Variants in TEC observed in about 807,000 individuals in gnomAD.
The protein encoded by TEC is tyrosine-protein kinase Tec.
A neutral mutation model predicts 93.0 loss-of-function variants in TEC; 72 were observed. The observed-to-expected ratio is 0.77, with a 90% CI of 0.64 to 0.94. The LOEUF (loss-of-function observed/expected upper bound fraction) is 0.94. TEC is among the 40% of genes least tolerant of loss of function. The probability of loss-of-function intolerance (pLI) is 0.00; values close to 1 mark genes in which losing one functional copy is unlikely to be tolerated. For synonymous variants in TEC, 249 were observed against 247.7 expected (o/e 1.01, Z -0.05); for missense variants, 630 against 757.9 (o/e 0.83, Z 1.98).
chr4:48,269,195 T>C (rs1724717713), intron 1 of TEC, among the ~76,000 whole-genome samples: 1 of 152,250 alleles, frequency 6.6e-6, no homozygotes, highest in South Asian at 2.1e-4. Flanking sequence ...TGCCAAATTT[T>C]TTTTTTAATA....
intron 1 of TEC, among the ~76,000 whole-genome samples, chr4:48,253,634 C>T (rs1724265954): frequency 6.8e-6 from 1 of 146,882 alleles, no homozygotes; most frequent in African/African-American, 2.5e-5. Context: ...TGCAGTGACA[C>T]AATCTCAGCT....
At chr4:48,208,842 G>A (rs1722801280) in intron 2 of TEC, among the ~76,000 whole-genome samples, 1 of 152,206 alleles carries the variant, frequency 6.6e-6, no homozygotes, top group African/African-American at 2.4e-5. Flanking sequence ...CAAAGTAGGT[G>A]CTTAAAATAT....
At chr4:48,144,227 A>T (rs867420228) in intron 14 of TEC, among the ~76,000 whole-genome samples, 9 of 152,252 alleles carry the variant, frequency 5.9e-5, no homozygotes, top group East Asian at 3.9e-4. Context: ...GGAAAAAAAA[A>T]TTTTTTTAAA....
intron 2 of TEC, among the ~76,000 whole-genome samples, chr4:48,181,313 T>C (rs1577728583): frequency 6.6e-6 from 1 of 151,990 alleles, no homozygotes; most frequent in South Asian, 2.1e-4. Context: ...ATACAGTATA[T>C]ATAGTGGCAG....
chr4:48,172,410 T>C (rs1354381346), intron 3 of TEC, among the ~76,000 whole-genome samples: 1 of 151,720 alleles, frequency 6.6e-6, no homozygotes, highest in Non-Finnish European at 1.5e-5. Context: ...AATTCCTTCT[T>C]ATTCATTTAA....
chr4:48,144,941 A>G, intron 14 of TEC, 138 bp downstream of exon 14: 1 of 732,090 alleles, frequency 1.4e-6, no homozygotes, highest in Non-Finnish European at 2.3e-6. Flanking sequence ...AGGGCAAGTT[A>G]AATTTACCAA....
At chr4:48,164,004 G>A (rs1460791823) in intron 7 of TEC, among the ~76,000 whole-genome samples, 1 of 152,134 alleles carries the variant, frequency 6.6e-6, no homozygotes, top group East Asian at 1.9e-4. Context: ...CTATTTTCTG[G>A]TGGGGAAACT....
intron 1 of TEC, among the ~76,000 whole-genome samples, chr4:48,269,046 T>C (rs556998196): frequency 3.5e-5 from 5 of 143,118 alleles, no homozygotes; most frequent in Non-Finnish European, 6.1e-5. Context: ...AAGAAGTACA[T>C]ACATTGGCCG....
intron 2 of TEC, among the ~76,000 whole-genome samples, chr4:48,216,753 T>C (rs1371422316): frequency 6.6e-6 from 1 of 152,228 alleles, no homozygotes; most frequent in Non-Finnish European, 1.5e-5. Context: ...CTGATATCAC[T>C]AAAAATTGCT....
chr4:48,192,339 G>A (rs990520578), intron 2 of TEC, among the ~76,000 whole-genome samples: 1 of 152,104 alleles, frequency 6.6e-6, no homozygotes. Flanking sequence ...GATTACCTAG[G>A]GATGGTGGGC....
intron 9 of TEC, among the ~76,000 whole-genome samples, 160 bp from the exon 10 acceptor site, chr4:48,151,102 T>C (rs754620898): frequency 3.9e-5 from 6 of 152,196 alleles, no homozygotes; most frequent in Non-Finnish European, 7.3e-5. Context: ...CCCCTTGGTT[T>C]CTCCCACCCA....
At position 48,171,354 on chromosome 4, in the gene TEC, T is replaced by C; in HGVS notation, c.325+14A>G. On this transcript the variant is annotated intron_variant, in intron 4 of 17. Transcript: ENST00000381501. ...CTAAAATTATATACAGAGTAATATT[T>C]CATTGAGTTTTACCTTCTTTTAACT... is the stretch of plus-strand genomic sequence containing the variant. 1 of 1,604,588 alleles carries C rather than the reference T, an allele frequency of 6.2e-7. No individual in the cohort carries two copies. Among genetic ancestry groups the C allele is most frequent in the Non-Finnish European group, 8.5e-7 (1 of 1,174,640 alleles).
At chr4:48,177,407 T>TCC (rs1168992197) in intron 2 of TEC, among the ~76,000 whole-genome samples, 4 of 152,272 alleles carry the variant, frequency 2.6e-5, no homozygotes, top group Non-Finnish European at 5.9e-5. Context: ...ATGCCAGCCA[T>TCC]CCCTTGGCCT....
chr4:48,147,083 A>G (rs777453060), intron 11 of TEC, among the ~76,000 whole-genome samples: 2 of 152,180 alleles, frequency 1.3e-5, no homozygotes, highest in Admixed American at 6.5e-5. Flanking sequence ...GGCACTTGAT[A>G]TATGTTTGTT....
Position 48,164,254 on chromosome 4 carries a change from G to A in TEC, c.672-487C>T, listed in dbSNP as rs1471286783. Among the ~76,000 whole-genome samples the A allele has an allele frequency of 2.6e-5, 4 of 152,200 alleles. No individual in the cohort carries two copies. The East Asian group carries it at 7.7e-4, about 29-fold the overall frequency. On this transcript the variant is annotated intron_variant, in intron 7 of 17. Transcript: ENST00000381501. ...ATACCTCAATAGTTCTTATAGAATA[G>A]TTTCACAAAGGATAATTCCTGGCCT...
chr4:48,237,343 G>A lies in TEC; in HGVS notation c.-45-8684C>T, dbSNP rs1474472375. On this transcript the variant is annotated intron_variant, in intron 1 of 17. Coordinates refer to ENST00000381501, the MANE Select transcript of TEC (RefSeq NM_003215.3). ...TCAAAAAAAAAAAAAGAGAGAGAGAGAAAATAATAATTTTTAAAAAAATAG... is the reference window on the plus strand; with the variant it reads ...TCAAAAAAAAAAAAAGAGAGAGAGAAAAAATAATAATTTTTAAAAAAATAG... 4.0e-5 allele frequency among the ~76,000 whole-genome samples: 6 copies of A among 149,732 alleles called. No individual in the cohort carries two copies. The East Asian group carries it at 1.2e-3, about 29-fold the overall frequency.
intron 2 of TEC, among the ~76,000 whole-genome samples, chr4:48,179,436 T>A (rs1204368603): frequency 7.6e-6 from 1 of 131,564 alleles, no homozygotes; most frequent in East Asian, 2.4e-4. Flanking sequence ...CAGGCTGGAG[T>A]GGAGTGCAGT....
At chr4:48,145,690 C>T (rs1436948244) in intron 12 of TEC, 111 bp from the exon 13 acceptor site, 5 of 1,143,806 alleles carry the variant, frequency 4.4e-6, no homozygotes, top group Non-Finnish European at 6.3e-6. Context: ...TACAGGATAA[C>T]ACTGTAATAA....
chr4:48,233,679 A>G lies in TEC; in HGVS notation c.-45-5020T>C, dbSNP rs116294711. Among the ~76,000 whole-genome samples, 966 of 152,158 alleles carry G rather than the reference A, an allele frequency of 6.3e-3. 11 individuals are homozygous for G. Among genetic ancestry groups the G allele is most frequent in the African/African-American group, 0.021 (893 of 41,548 alleles). On this transcript the variant is annotated intron_variant, in intron 1 of 17. Transcript: ENST00000381501. ...AAAATCAAAGAATTAAGGGAAATAC[A>G]TGCATGAAACAAGGTCAAGACACAG...
Sources: gnomAD v4.1 joint callset for allele counts (sites outside exome capture counted in the v4.1 genomes callset) on GRCh38, gnomAD v4.1.1 for gene constraint, MANE v1.5 for transcripts, NCBI Gene and HGNC (gene_info 2026-07-23, HGNC 2026-07-21) for gene names.